GRAMD4: variants seen among roughly 807,000 people sequenced by gnomAD.
GRAMD4 encodes the protein GRAM domain-containing protein 4.
A neutral mutation model predicts 83.9 loss-of-function variants in GRAMD4; 25 were observed. The ratio of observed to expected loss-of-function variants is 0.30; its 90% CI spans 0.22 to 0.42. The LOEUF is 0.42. Among genes scored for constraint, GRAMD4 ranks in the 10% least tolerant of loss-of-function variants. The probability of loss-of-function intolerance (pLI) is 1.00; values close to 1 mark genes in which losing one functional copy is unlikely to be tolerated. For synonymous variants in GRAMD4, 336 were observed against 320.9 expected (o/e 1.05, Z -0.50); for missense variants, 593 against 788.7 (o/e 0.75, Z 2.97).
intron 1 of GRAMD4, among the ~76,000 whole-genome samples, chr22:46,592,594 TC>T (rs1167124973): frequency 6.6e-6 from 1 of 152,224 alleles, no homozygotes; most frequent in African/African-American, 2.4e-5. Flanking sequence ...TTTTCACTGT[TC>T]CGACTGCACC....
Position 46,659,245 on chromosome 22 carries a change from TC to T in GRAMD4, c.404+944del, listed in dbSNP as rs908613541. On this transcript the variant is annotated intron_variant, in intron 4 of 18. Coordinates refer to ENST00000406902, the MANE Select transcript of GRAMD4 (RefSeq NM_015124.5). This position sits in a 1 kb window ranked among gnomAD's most constrained non-coding sequence, Gnocchi z 4.1. Reference sequence around the variant, plus strand: ...CCTCTCAGCCTCCACTCCCTCAGCCTCCCCCCTCAGTCTCCACCCTCAGTTT... The same window carrying T: ...CCTCTCAGCCTCCACTCCCTCAGCCTCCCCCTCAGTCTCCACCCTCAGTTT... 6.7e-4 allele frequency among the ~76,000 whole-genome samples: 81 copies of T among 120,960 alleles called. No homozygotes were observed. Among genetic ancestry groups the T allele is most frequent in the African/African-American group, 2.7e-3 (75 of 27,374 alleles). The allele number at this position is 120,960 out of a possible 152,430, so 79.4% of individuals were successfully genotyped here. A position where few individuals can be genotyped will look rare whatever the true frequency, so the allele number is the denominator to read the frequency against.
intron 2 of GRAMD4, among the ~76,000 whole-genome samples, chr22:46,632,224 G>A (rs2081785460): frequency 6.6e-6 from 1 of 152,194 alleles, no homozygotes; most frequent in Non-Finnish European, 1.5e-5. Context: ...GGAGGTAAAG[G>A]TGGAAGAGAC....
At chr22:46,604,028 C>T (rs575536782) in intron 1 of GRAMD4, among the ~76,000 whole-genome samples, 326 of 152,318 alleles carry the variant, frequency 2.1e-3, no homozygotes, top group Non-Finnish European at 3.2e-3. Context: ...GATGTCCCAA[C>T]GTGATTGGTG....
downstream of GRAMD4, among the ~76,000 whole-genome samples, chr22:46,679,989 G>C (rs2082651116): frequency 6.6e-6 from 1 of 152,228 alleles, no homozygotes; most frequent in Non-Finnish European, 1.5e-5. Context: ...GCAGAGTCCT[G>C]TTGGACGTGG....
chr22:46,655,593 AG>A (rs1569293385), intron 3 of GRAMD4, among the ~76,000 whole-genome samples: 2 of 152,182 alleles, frequency 1.3e-5, no homozygotes, highest in Non-Finnish European at 2.9e-5. Flanking sequence ...TAAAGGAGCC[AG>A]CCGGCCGCCC....
At chr22:46,580,029 C>A (rs138668233) in intron 1 of GRAMD4, among the ~76,000 whole-genome samples, 1 of 152,306 alleles carries the variant, frequency 6.6e-6, no homozygotes, top group Non-Finnish European at 1.5e-5. Flanking sequence ...CCCTGCAAGG[C>A]GGCCCAAGAG....
intron 16 of GRAMD4, 152 bp downstream of exon 16, chr22:46,674,902 C>T: frequency 1.5e-6 from 1 of 664,382 alleles, no homozygotes; most frequent in Non-Finnish European, 2.7e-6. Flanking sequence ...TGTCTGGGCT[C>T]CCAGGGAAAA....
chr22:46,645,380 G>C (rs1375368359), intron 3 of GRAMD4, among the ~76,000 whole-genome samples: 1 of 152,178 alleles, frequency 6.6e-6, no homozygotes, highest in Non-Finnish European at 1.5e-5. Context: ...GTGTGCCACT[G>C]TGGCCATCTC....
intron 2 of GRAMD4, among the ~76,000 whole-genome samples, chr22:46,632,557 C>T (rs2081791040): frequency 6.6e-6 from 1 of 152,194 alleles, no homozygotes. Flanking sequence ...AGGGTGGCTC[C>T]TCTGTAGGTC....
chr22:46,663,278 T>C, intron 6 of GRAMD4, 106 bp downstream of exon 6: 1 of 1,111,830 alleles, frequency 9.0e-7, no homozygotes, highest in Non-Finnish European at 1.3e-6. Context: ...CAAAGCTGTC[T>C]GTGAGGCTGC....
At position 46,663,968 on chromosome 22, in the gene GRAMD4, C is replaced by T. The variant is rs560113551; in HGVS notation, c.626-58C>T. On this transcript the variant is annotated intron_variant, in intron 7 of 18. Coordinates refer to ENST00000406902, the MANE Select transcript of GRAMD4 (RefSeq NM_015124.5). ...GAGCTGAACCGACTCTCCAGGGAGA[C>T]GTGGTTAAGCGGCCTCCTACCCACA... is the stretch of plus-strand genomic sequence containing the variant. 4.9e-5 allele frequency: 76 copies of T among 1,562,278 alleles called. 1 individual carries two copies. The highest frequency in any genetic ancestry group is 2.0e-4 in the African/African-American group (15 of 73,900).
intron 3 of GRAMD4, among the ~76,000 whole-genome samples, chr22:46,654,084 C>T (rs1239024687): frequency 6.6e-6 from 1 of 152,092 alleles, no homozygotes; most frequent in Non-Finnish European, 1.5e-5. Flanking sequence ...ATCCAGTGAG[C>T]CTTGATTAAG....
In GRAMD4 at chr22:46,664,009, G is replaced by A. The variant is rs768587583; in HGVS notation, c.626-17G>A. 18 of 1,605,976 alleles carry A rather than the reference G, an allele frequency of 1.1e-5. No individual in the cohort carries two copies. In the East Asian group the frequency reaches 3.8e-4, roughly 34 times the overall value. On this transcript the variant is annotated splice_polypyrimidine_tract_variant and intron_variant, in intron 7 of 18. Transcript: ENST00000406902. ...CCTACCCACAGTGCTGACCACTGTGGTCTGCTCTGTCCCCAGAGCGCGGTG... is the reference window on the plus strand; with the variant it reads ...CCTACCCACAGTGCTGACCACTGTGATCTGCTCTGTCCCCAGAGCGCGGTG...
intron 1 of GRAMD4, among the ~76,000 whole-genome samples, chr22:46,579,212 A>G (rs2081074222): frequency 1.3e-5 from 2 of 152,256 alleles, no homozygotes; most frequent in African/African-American, 2.4e-5. Flanking sequence ...CTGGGAAAGA[A>G]CCAGGTGGTC....
At chr22:46,604,201 C>A (rs964675537) in intron 1 of GRAMD4, among the ~76,000 whole-genome samples, 1 of 152,168 alleles carries the variant, frequency 6.6e-6, no homozygotes, top group African/African-American at 2.4e-5. Flanking sequence ...GCTGGCCTCC[C>A]CCCGTCAGTC....
chr22:46,643,147 C>CATG (rs1569283841), intron 3 of GRAMD4, among the ~76,000 whole-genome samples: 28 of 33,078 alleles, frequency 8.5e-4, no homozygotes, highest in South Asian at 1.4e-3. Flanking sequence ...ATCCTTCCAT[C>CATG]CATCCATCCA....
In GRAMD4 at chr22:46,677,480, T is replaced by A; in HGVS notation, c.*229T>A. ...TCCCACAGGGCACGTCAGGTGCCTC[T>A]GAGGGCCACCCGCAGACTGGGGGAG... On this transcript the variant is annotated 3_prime_UTR_variant, in exon 19 of 19. Coordinates refer to ENST00000406902, the MANE Select transcript of GRAMD4 (RefSeq NM_015124.5). The A allele has an allele frequency of 7.7e-7, 1 of 1,297,270 alleles. No homozygotes were observed. The highest frequency in any genetic ancestry group is 1.5e-5 in the African/African-American group (1 of 67,222). The allele number at this position is 1,297,270 out of a possible 1,614,324, so 80.4% of individuals were successfully genotyped here.
rs200252472 is a variant in GRAMD4, at chr22:46,675,465, C to T, written c.1479-3C>T. The T allele has an allele frequency of 2.5e-6, 4 of 1,607,712 alleles. No individual in the cohort carries two copies. In the African/African-American group the frequency reaches 4.0e-5, roughly 16 times the overall value. On this transcript the variant is annotated splice_region_variant and splice_polypyrimidine_tract_variant and intron_variant, in intron 16 of 18. Coordinates refer to ENST00000406902, the MANE Select transcript of GRAMD4 (RefSeq NM_015124.5). ...GCGACGCCTCTGTCCGTTCCCCTTC[C>T]AGTTACTTGTGCTTCGAAAGCTCCA...
chr22:46,587,456 C>G (rs554145618), intron 1 of GRAMD4, among the ~76,000 whole-genome samples: 1 of 151,804 alleles, frequency 6.6e-6, no homozygotes, highest in Admixed American at 6.6e-5. Context: ...GGTCCTGTTC[C>G]GGCTTCAGTG....
Sources: gnomAD v4.1 joint callset for allele counts (sites outside exome capture counted in the v4.1 genomes callset) on GRCh38, gnomAD v4.1.1 for gene constraint, Gnocchi (gnomAD v3.1) non-coding constraint, MANE v1.5 for transcripts, NCBI Gene and HGNC (gene_info 2026-07-23, HGNC 2026-07-21) for gene names.